SYT16: variants seen among roughly 807,000 people sequenced by gnomAD.
SYT16 encodes synaptotagmin 16, also known as synaptotagmin-16.
In SYT16, 42 loss-of-function variants were observed where a neutral mutation model predicts 61.4. The ratio of observed to expected loss-of-function variants is 0.68; its 90% CI spans 0.53 to 0.89. The LOEUF is 0.89. SYT16 is among the 40% of genes least tolerant of loss of function. The pLI is 0.00. For synonymous variants in SYT16, 314 were observed against 302.3 expected, an observed-to-expected ratio of 1.04 and a Z score of -0.40; for missense variants, 804 against 807.3, an observed-to-expected ratio of 1.00 and a Z score of 0.05.
chr14:62,099,871 TTGTGTGTC>T lies in SYT16; in HGVS notation c.1625-519_1625-512del, dbSNP rs374708684. Among the ~76,000 whole-genome samples the T allele has an allele frequency of 2.3e-3, 343 of 151,948 alleles. 1 individual carries two copies. The highest frequency in any genetic ancestry group is 7.5e-3 in the African/African-American group (311 of 41,422). On this transcript the variant is annotated intron_variant, in intron 7 of 7. Coordinates refer to ENST00000683842, the MANE Select transcript of SYT16 (RefSeq NM_001367656.1). ...CCAGCCTGGGCAACGGAGCAAGACC[TTGTGTGTC>T]TGTCTGTCTGTCTGTCTGTCTCTCT...
chr14:61,985,566 T>C (rs2052270377), intron 2 of SYT16, among the ~76,000 whole-genome samples: 1 of 152,142 alleles, frequency 6.6e-6, no homozygotes, highest in African/African-American at 2.4e-5. Flanking sequence ...ACAGACCAAT[T>C]TCAGCAGTCT....
At chr14:62,006,709 C>T (rs567474681) in intron 3 of SYT16, among the ~76,000 whole-genome samples, 1 of 152,304 alleles carries the variant, frequency 6.6e-6, no homozygotes, top group Non-Finnish European at 1.5e-5. Flanking sequence ...AAATCCAAAA[C>T]ACCACCTTCT....
chr14:61,914,238 C>G (rs1392047035), intron 1 of SYT16, among the ~76,000 whole-genome samples: 1 of 152,080 alleles, frequency 6.6e-6, no homozygotes, highest in Non-Finnish European at 1.5e-5. Flanking sequence ...CTTTGCTAGG[C>G]AAAACTCCAA....
At chr14:61,939,919 A>T (rs1227380325) in intron 1 of SYT16, among the ~76,000 whole-genome samples, 1 of 152,038 alleles carries the variant, frequency 6.6e-6, no homozygotes, top group Non-Finnish European at 1.5e-5. Flanking sequence ...GCTTCCTGTC[A>T]TTCTTTTCTA....
chr14:61,918,827 C>T (rs2049220304), intron 1 of SYT16, among the ~76,000 whole-genome samples: 2 of 151,934 alleles, frequency 1.3e-5, no homozygotes, highest in Admixed American at 1.3e-4. Context: ...AAAACAGAAG[C>T]AGAAGGTACC....
intron 1 of SYT16, among the ~76,000 whole-genome samples, chr14:61,906,663 A>T (rs1232758731): frequency 1.3e-5 from 2 of 152,170 alleles, no homozygotes; most frequent in African/African-American, 4.8e-5. Flanking sequence ...TTCTAAAATG[A>T]TATAAATGAA....
intron 3 of SYT16, among the ~76,000 whole-genome samples, chr14:62,053,645 G>C (rs2055410546): frequency 6.6e-6 from 1 of 152,112 alleles, no homozygotes; most frequent in Non-Finnish European, 1.5e-5. Context: ...TAGTATAATA[G>C]ATGTTAAGGG....
chr14:62,063,444 C>G (rs2055916580), intron 3 of SYT16, among the ~76,000 whole-genome samples: 1 of 152,114 alleles, frequency 6.6e-6, no homozygotes, highest in Non-Finnish European at 1.5e-5. Flanking sequence ...TTAGTCTTCT[C>G]AACAATTTTA....
chr14:61,980,224 A>G (rs1201068123), intron 2 of SYT16, among the ~76,000 whole-genome samples: 1 of 152,158 alleles, frequency 6.6e-6, no homozygotes, highest in Non-Finnish European at 1.5e-5. Flanking sequence ...TAATATCTTA[A>G]TTTGCATAGA....
chr14:61,874,724 G>C (rs756601834), intron 1 of SYT16, among the ~76,000 whole-genome samples: 3 of 151,736 alleles, frequency 2.0e-5, no homozygotes, highest in African/African-American at 7.3e-5. Context: ...TATTAAATAG[G>C]CTAGTTTTAT....
rs554358872 is a variant in SYT16 at position 62,101,330 on chromosome 14, T to C, written c.*623T>C. On this transcript the variant is annotated 3_prime_UTR_variant, in exon 8 of 8. Transcript: ENST00000683842. ...CTTATATTTTGTGGTTTCTATGAGA[T>C]TTGGTTAGATGAATCATTTTGAAGC... 2 of 152,284 alleles carry C rather than the reference T, an allele frequency of 1.3e-5. No individual in the cohort carries two copies. The highest frequency in any genetic ancestry group is 1.9e-4 in the East Asian group (1 of 5,186). The allele number at this position is 152,284 out of a possible 1,614,324, so 9.4% of individuals were successfully genotyped here.
At chr14:61,813,408 T>C (rs949082751) in intron 1 of SYT16, among the ~76,000 whole-genome samples, 1 of 152,234 alleles carries the variant, frequency 6.6e-6, no homozygotes, top group Admixed American at 6.5e-5. Flanking sequence ...TTTGGCATCT[T>C]GGCACCGCTG....
chr14:62,074,160 A>T (rs17099485), intron 4 of SYT16, among the ~76,000 whole-genome samples: 7,841 of 152,196 alleles, frequency 0.052, 685 homozygotes, highest in African/African-American at 0.18. Flanking sequence ...TTTCTTAGGA[A>T]GACCCTGCCA....
intron 1 of SYT16, among the ~76,000 whole-genome samples, chr14:61,820,469 G>GGTTTTTTTTT (rs2045578027): frequency 1.8e-4 from 11 of 61,082 alleles, no homozygotes; most frequent in African/African-American, 6.2e-4. Flanking sequence ...CCTCTTCAGA[G>GGTTTTTTTTT]TTTTTTTTTT....
intron 3 of SYT16, among the ~76,000 whole-genome samples, chr14:62,061,892 C>T (rs891539338): frequency 6.6e-6 from 1 of 152,090 alleles, no homozygotes; most frequent in African/African-American, 2.4e-5. Flanking sequence ...GAAATTGGAT[C>T]TCCTCCAATT....
Position 61,940,625 on chromosome 14 carries a change from G to C in SYT16, c.-324-29507G>C, listed in dbSNP as rs140247559. On this transcript the variant is annotated intron_variant, in intron 1 of 7. Coordinates refer to ENST00000683842, the MANE Select transcript of SYT16 (RefSeq NM_001367656.1). The stretch of plus-strand genomic sequence containing the variant: ...TAGGACCCCTGTCAGATTTAAATGA[G>C]CATAAAGTGCCTGGCACATAGTAAA... Among the ~76,000 whole-genome samples, 175 of 152,276 alleles carry C rather than the reference G, an allele frequency of 1.1e-3. 4 individuals are homozygous for C. The East Asian group carries it at 0.031, about 27-fold the overall frequency.
intron 3 of SYT16, among the ~76,000 whole-genome samples, chr14:62,030,977 T>C (rs1286597345): frequency 6.6e-6 from 1 of 152,190 alleles, no homozygotes; most frequent in African/African-American, 2.4e-5. Context: ...GCTGCCTCAG[T>C]TTCCTTATCT....
rs116205212 is a variant in SYT16 at position 61,865,331 on chromosome 14, T to G, written c.-325+52521T>G. On this transcript the variant is annotated intron_variant, in intron 1 of 7. Coordinates refer to ENST00000683842, the MANE Select transcript of SYT16 (RefSeq NM_001367656.1). Reference sequence around the variant, plus strand: ...AGGGATGCGGAGAGCCTGAAGCTCTTAGGAGAAGCAGTCCGGAAAGGGAAA... The same window carrying G: ...AGGGATGCGGAGAGCCTGAAGCTCTGAGGAGAAGCAGTCCGGAAAGGGAAA... The G allele has an allele frequency of 1.8e-3, 1,273 of 702,646 alleles. 14 individuals carry two copies. In the African/African-American group the frequency reaches 0.02, roughly 11 times the overall value. 43.5% of individuals were successfully genotyped at this position (702,646 alleles called of 1,614,324 possible). A position where few individuals can be genotyped will look rare whatever the true frequency, so the allele number is the denominator to read the frequency against.
At chr14:61,944,566 C>A (rs1033290140) in intron 1 of SYT16, among the ~76,000 whole-genome samples, 3 of 152,110 alleles carry the variant, frequency 2.0e-5, no homozygotes, top group Non-Finnish European at 4.4e-5. Flanking sequence ...ACGGAGCCCT[C>A]AGAAATAATA....
Sources: allele counts gnomAD v4.1 joint callset (sites outside exome capture counted in the v4.1 genomes callset), GRCh38; gene constraint gnomAD v4.1.1; transcripts MANE v1.5; gene names NCBI Gene and HGNC (gene_info 2026-07-23, HGNC 2026-07-21).